The following ANO3 variants were observed in gnomAD, a reference collection of about 807,000 sequenced individuals.
The protein encoded by ANO3 is anoctamin-3.
A neutral mutation model predicts 144.8 loss-of-function variants in ANO3; 99 were observed. The ratio of observed to expected loss-of-function variants is 0.68; its 90% CI spans 0.58 to 0.81. The LOEUF is 0.81. Among genes scored for constraint, ANO3 ranks in the 30% least tolerant of loss-of-function variants. The pLI is 0.00. For synonymous variants in ANO3, 414 were observed against 392.6 expected (o/e 1.05, Z -0.64); for missense variants, 905 against 1,202.2 (o/e 0.75, Z 3.66).
intron 4 of ANO3, among the ~76,000 whole-genome samples, chr11:26,474,804 T>C (rs1037251246): frequency 6.6e-6 from 1 of 151,866 alleles, no homozygotes; most frequent in African/African-American, 2.4e-5. Flanking sequence ...ATCACTGATA[T>C]GGAAATAAGT....
Position 26,379,241 on chromosome 11 carries a change from G to A in ANO3, c.46+46920G>A, listed in dbSNP as rs568515673. Among the ~76,000 whole-genome samples, 11 of 152,290 alleles carry A rather than the reference G, an allele frequency of 7.2e-5. No homozygotes were observed. The East Asian group carries it at 1.4e-3, about 19-fold the overall frequency. On this transcript the variant is annotated intron_variant, in intron 1 of 26. Coordinates refer to ENST00000256737, the MANE Select transcript of ANO3 (RefSeq NM_031418.4). ...AGTGGAAAGAGAAAAGATCAAAGAT[G>A]TAGGTGGACCATACAGAATCTCATA...
At chr11:26,353,850 G>A (rs1855710353) in intron 1 of ANO3, among the ~76,000 whole-genome samples, 1 of 152,228 alleles carries the variant, frequency 6.6e-6, no homozygotes, top group South Asian at 2.1e-4. Context: ...TTACAGGCAT[G>A]AGCCACCGCG....
At chr11:26,302,039 A>C (rs1347348560) in intron 1 of ANO3, among the ~76,000 whole-genome samples, 1 of 152,238 alleles carries the variant, frequency 6.6e-6, no homozygotes, top group African/African-American at 2.4e-5. Flanking sequence ...GGTACTAGGC[A>C]GAGACTGTGA....
intron 1 of ANO3, among the ~76,000 whole-genome samples, chr11:26,436,319 C>T (rs1415925439): frequency 2.0e-5 from 3 of 152,176 alleles, no homozygotes; most frequent in Non-Finnish European, 4.4e-5. Flanking sequence ...TACAGAGCTG[C>T]TACTGGCTCA....
At chr11:26,583,830 G>A (rs1045450506) in intron 14 of ANO3, among the ~76,000 whole-genome samples, 20 of 152,276 alleles carry the variant, frequency 1.3e-4, no homozygotes, top group African/African-American at 3.4e-4. Context: ...TGTCCAAACT[G>A]GCAATCTGAG....
chr11:26,493,544 T>C (rs1367551668), intron 4 of ANO3, among the ~76,000 whole-genome samples: 1 of 152,190 alleles, frequency 6.6e-6, no homozygotes, highest in African/African-American at 2.4e-5. Flanking sequence ...TTCTGTTTTC[T>C]GAACTAATGC....
chr11:26,194,444 G>GTGTGTGTGTGTGTA (rs1554920711), intron 1 of ANO3, among the ~76,000 whole-genome samples: 15 of 92,252 alleles, frequency 1.6e-4, no homozygotes, highest in African/African-American at 5.5e-4. Flanking sequence ...ATAGTGGTGT[G>GTGTGTGTGTGTGTA]TGTGTGTGTG....
At chr11:26,614,958 G>A (rs189080990) in intron 17 of ANO3, among the ~76,000 whole-genome samples, 26 of 152,060 alleles carry the variant, frequency 1.7e-4, no homozygotes, top group Non-Finnish European at 2.8e-4. Context: ...CCAGGTAACC[G>A]TAGTCAACCT....
intron 13 of ANO3, 160 bp from the exon 14 acceptor site, chr11:26,559,559 G>T (rs1850199546): frequency 1.7e-6 from 1 of 584,536 alleles, no homozygotes; most frequent in East Asian, 2.9e-5. Flanking sequence ...ATGTGAAATT[G>T]TTGCAAGACC....
At chr11:26,609,214 C>T (rs1327570977) in intron 17 of ANO3, among the ~76,000 whole-genome samples, 13 of 152,082 alleles carry the variant, frequency 8.5e-5, no homozygotes, top group Non-Finnish European at 7.4e-5. Flanking sequence ...TCAGGTGGGC[C>T]GCCACACCAC....
intron 17 of ANO3, among the ~76,000 whole-genome samples, chr11:26,608,493 G>T (rs1427184726): frequency 1.3e-5 from 2 of 152,150 alleles, no homozygotes; most frequent in Admixed American, 1.3e-4. Flanking sequence ...CTTTGCTGGA[G>T]GGGAAACCCA....
intron 4 of ANO3, among the ~76,000 whole-genome samples, chr11:26,478,776 A>G (rs567535604): frequency 6.6e-6 from 1 of 152,246 alleles, no homozygotes; most frequent in African/African-American, 2.4e-5. Context: ...CCAGGCAACT[A>G]GCTGATTGGT....
chr11:26,201,835 G>A (rs1284456912), intron 1 of ANO3, among the ~76,000 whole-genome samples: 1 of 149,514 alleles, frequency 6.7e-6, no homozygotes, highest in Non-Finnish European at 1.5e-5. Flanking sequence ...TTTTTCATCT[G>A]TAGAAGAGGT....
At chr11:26,258,077 T>A (rs1460196215) in intron 1 of ANO3, among the ~76,000 whole-genome samples, 3 of 152,146 alleles carry the variant, frequency 2.0e-5, no homozygotes, top group Non-Finnish European at 4.4e-5. Flanking sequence ...GATTTAGGAC[T>A]GTTAATAACA....
At chr11:26,451,291 A>T (rs1288727288) in intron 3 of ANO3, among the ~76,000 whole-genome samples, 2 of 152,194 alleles carry the variant, frequency 1.3e-5, no homozygotes, top group Non-Finnish European at 2.9e-5. Flanking sequence ...GCATTGCCTC[A>T]CTCGGGAAGC....
intron 1 of ANO3, among the ~76,000 whole-genome samples, chr11:26,197,174 T>C (rs1434986582): frequency 1.2e-4 from 18 of 152,116 alleles, no homozygotes; most frequent in Non-Finnish European, 2.4e-4. Context: ...CTTATCTTCA[T>C]ACTCTCATCT....
intron 4 of ANO3, among the ~76,000 whole-genome samples, chr11:26,476,389 A>C (rs2134079345): frequency 6.6e-6 from 1 of 152,152 alleles, no homozygotes; most frequent in South Asian, 2.1e-4. Context: ...AAGTGGAAGA[A>C]CGTGGCATTC....
chr11:26,400,841 T>A (rs1490868471), intron 1 of ANO3, among the ~76,000 whole-genome samples: 1 of 47,812 alleles, frequency 2.1e-5, no homozygotes, highest in Non-Finnish European at 4.2e-5. Flanking sequence ...GCTGCCTAGA[T>A]GAATATATAT....
chr11:26,607,592 A>G (rs1851971172), intron 17 of ANO3, among the ~76,000 whole-genome samples: 1 of 151,936 alleles, frequency 6.6e-6, no homozygotes, highest in South Asian at 2.1e-4. Context: ...CATCCTTTCT[A>G]ATATTGCCAG....
Sources: allele counts gnomAD v4.1 joint callset (sites outside exome capture counted in the v4.1 genomes callset), GRCh38; gene constraint gnomAD v4.1.1; transcripts MANE v1.5; gene names NCBI Gene and HGNC (gene_info 2026-07-23, HGNC 2026-07-21).